PTPRG: variants seen among roughly 807,000 people sequenced by gnomAD.
The protein encoded by PTPRG is receptor-type tyrosine-protein phosphatase gamma.
A neutral mutation model predicts 165.3 loss-of-function variants in PTPRG; 102 were observed. That is an observed-to-expected ratio of 0.62 (90% CI 0.53 to 0.73). PTPRG has a LOEUF of 0.73. PTPRG is among the 30% of genes least tolerant of loss of function. The pLI is 0.00. For missense variants in PTPRG, 1,866 were observed against 1,861.4 expected, an observed-to-expected ratio of 1.00 and a Z score of -0.05; for synonymous variants, 675 against 669.5, an observed-to-expected ratio of 1.01 and a Z score of -0.13.
rs566656524 is a variant in PTPRG at position 61,699,602 on chromosome 3, TC to T, written c.86-49271del. ...AGTGAACATTTCAGTGTCTGTTCCT[TC>T]CCCCTGCTGTAGAAGGCATATTTAG... On this transcript the variant is annotated intron_variant, in intron 1 of 29. Coordinates refer to ENST00000474889, the MANE Select transcript of PTPRG (RefSeq NM_002841.4). Among the ~76,000 whole-genome samples the T allele has an allele frequency of 3.3e-4, 50 of 152,310 alleles. 1 individual carries two copies. The South Asian group carries it at 9.7e-3, about 30-fold the overall frequency.
rs141254165 is a variant in PTPRG at position 61,732,780 on chromosome 3, G to T, written c.86-16098G>T. On this transcript the variant is annotated intron_variant, in intron 1 of 29. Coordinates refer to ENST00000474889, the MANE Select transcript of PTPRG (RefSeq NM_002841.4). ...AATAAATCTTGCATTAGCTAGGGGC[G>T]ACAGTGTCGGACAGCACAATTTGGA... Among the ~76,000 whole-genome samples the T allele has an allele frequency of 6.0e-3, 910 of 152,186 alleles. 11 individuals are homozygous for T. The highest frequency in any genetic ancestry group is 0.021 in the African/African-American group (857 of 41,506).
intron 14 of PTPRG, among the ~76,000 whole-genome samples, chr3:62,234,943 C>CG (rs557108937): frequency 6.6e-6 from 1 of 150,874 alleles, no homozygotes; most frequent in African/African-American, 2.4e-5. Flanking sequence ...ACTTCCCCCC[C>CG]CCGAGATGGT....
At chr3:62,057,649 G>A (rs1700676645) in intron 4 of PTPRG, among the ~76,000 whole-genome samples, 1 of 152,190 alleles carries the variant, frequency 6.6e-6, no homozygotes, top group Admixed American at 6.5e-5. Context: ...GCCCTGGACA[G>A]GTTTGCAGCT....
At chr3:62,206,536 C>A (rs938028139) in intron 12 of PTPRG, among the ~76,000 whole-genome samples, 3 of 152,144 alleles carry the variant, frequency 2.0e-5, no homozygotes, top group African/African-American at 7.2e-5. Context: ...AGCCCAGGTG[C>A]CACACAATGA....
At chr3:61,821,160 C>G (rs1018423561) in intron 2 of PTPRG, among the ~76,000 whole-genome samples, 1 of 151,078 alleles carries the variant, frequency 6.6e-6, no homozygotes, top group African/African-American at 2.4e-5. Context: ...TCTCATTTGT[C>G]TGCTCTTCTT....
At chr3:61,702,851 A>G (rs1281023590) in intron 1 of PTPRG, among the ~76,000 whole-genome samples, 4 of 152,244 alleles carry the variant, frequency 2.6e-5, no homozygotes, top group Admixed American at 1.3e-4. Context: ...TTATACAACT[A>G]TACAACAGTT....
chr3:62,267,611 G>A, intron 18 of PTPRG, 74 bp from the exon 19 acceptor site: 13 of 1,548,828 alleles, frequency 8.4e-6, no homozygotes, highest in Non-Finnish European at 1.1e-5. Flanking sequence ...ATTCAATATG[G>A]AAGGCATTTG....
At position 61,931,270 on chromosome 3, in the gene PTPRG, G is replaced by A. The variant is rs80032882; in HGVS notation, c.191-58355G>A. ...TCTGGAAGGTTTTGCGATGTTGAGC[G>A]CATTTTCACCCTCAACAGTTCTGCT... On this transcript the variant is annotated intron_variant, in intron 2 of 29. Transcript: ENST00000474889. 1.1e-3 allele frequency among the ~76,000 whole-genome samples: 169 copies of A among 152,312 alleles called. 1 individual carries two copies. Among genetic ancestry groups the A allele is most frequent in the Non-Finnish European group, 2.0e-3 (134 of 68,024 alleles).
intron 2 of PTPRG, among the ~76,000 whole-genome samples, chr3:61,976,402 T>C (rs2040507752): frequency 6.6e-6 from 1 of 152,120 alleles, no homozygotes; most frequent in African/African-American, 2.4e-5. Flanking sequence ...GTCTGATGGG[T>C]GAAATTTAAA....
chr3:62,282,738 C>T lies in PTPRG; in HGVS notation c.3924C>T (p.Val1308=). 1.2e-6 allele frequency: 2 copies of T among 1,611,550 alleles called. No homozygotes were observed. Among genetic ancestry groups the T allele is most frequent in the Non-Finnish European group, 1.7e-6 (2 of 1,178,890 alleles). ...TGTATTGGTTACAGGATGACTATGTCTTAGAAGTTCGGCACTTTCAGTGTC... is the reference window on the plus strand; with the variant it reads ...TGTATTGGTTACAGGATGACTATGTTTTAGAAGTTCGGCACTTTCAGTGTC... The part of the protein sequence containing the change: ...FILEATQDDY[V]LEVRHFQCPK... Residue 1308 remains valine (V), a synonymous_variant, in exon 28 of 30, where the codon GTC becomes GTT. Coordinates refer to ENST00000474889, the MANE Select transcript of PTPRG (RefSeq NM_002841.4).
intron 5 of PTPRG, among the ~76,000 whole-genome samples, chr3:62,112,187 C>G (rs1702693218): frequency 6.6e-6 from 1 of 152,110 alleles, no homozygotes; most frequent in Non-Finnish European, 1.5e-5. Context: ...TGACTGCAAC[C>G]TCTGCCTCCC....
rs1350207542 is a variant in PTPRG at position 62,281,718 on chromosome 3, A to G, written c.3912+9A>G. 2 of 1,607,630 alleles carry G rather than the reference A, an allele frequency of 1.2e-6. No individual in the cohort carries two copies. The highest frequency in any genetic ancestry group is 1.7e-6 in the Non-Finnish European group (2 of 1,176,560). On this transcript the variant is annotated intron_variant, in intron 27 of 29. Transcript: ENST00000474889. ...TCCTTGAAGCTACACAGGTAACCTA[A>G]ACCTCAGTTCCTCACTAATAGCCAT...
chr3:61,638,618 T>TTTTTTTG lies in PTPRG; in HGVS notation c.85+76246_85+76247insTTTTTTG, dbSNP rs1553643112. Among the ~76,000 whole-genome samples the TTTTTTTG allele has an allele frequency of 3.9e-4, 45 of 116,308 alleles. 1 individual carries two copies. The highest frequency in any genetic ancestry group is 8.9e-4 in the South Asian group (3 of 3,364). The allele number at this position is 116,308 out of a possible 152,430, so 76.3% of individuals were successfully genotyped here. On this transcript the variant is annotated intron_variant, in intron 1 of 29. Transcript: ENST00000474889. The stretch of plus-strand genomic sequence containing the variant: ...TTTTTTTTTTTTTTTTTTTTTTTTT[T>TTTTTTTG]GGGGTAGAGGGATTTCCCTATGTTG...
intron 1 of PTPRG, among the ~76,000 whole-genome samples, chr3:61,740,764 C>T (rs532248808): frequency 2.0e-5 from 3 of 151,762 alleles, no homozygotes; most frequent in African/African-American, 4.8e-5. Context: ...CATCATGGCT[C>T]TATATTAGGT....
At chr3:61,894,826 A>T (rs981563641) in intron 2 of PTPRG, among the ~76,000 whole-genome samples, 4 of 152,090 alleles carry the variant, frequency 2.6e-5, no homozygotes, top group Non-Finnish European at 4.4e-5. Flanking sequence ...GCTCTAAGTT[A>T]TTAATCTTGC....
intron 2 of PTPRG, among the ~76,000 whole-genome samples, chr3:61,830,843 G>A (rs1262242230): frequency 6.6e-6 from 1 of 152,172 alleles, no homozygotes; most frequent in Admixed American, 6.5e-5. Flanking sequence ...CAAAGTGCTG[G>A]GATCACAGGC....
intron 2 of PTPRG, among the ~76,000 whole-genome samples, chr3:61,958,186 G>A (rs2040076225): frequency 6.6e-6 from 1 of 151,876 alleles, no homozygotes; most frequent in Admixed American, 6.6e-5. Context: ...GAGTGCAGCG[G>A]TGCCATCTTA....
intron 4 of PTPRG, among the ~76,000 whole-genome samples, chr3:62,062,584 T>C (rs906472326): frequency 6.6e-6 from 1 of 152,246 alleles, no homozygotes; most frequent in Non-Finnish European, 1.5e-5. Context: ...CAGAGACATC[T>C]ATTTTTTGAA....
At chr3:62,042,648 A>C (rs1187825368) in intron 4 of PTPRG, among the ~76,000 whole-genome samples, 1 of 151,474 alleles carries the variant, frequency 6.6e-6, no homozygotes, top group South Asian at 2.1e-4. Context: ...GTCTCCTCCA[A>C]CCTCCACTCC....
Sources: gnomAD v4.1 joint callset for allele counts (sites outside exome capture counted in the v4.1 genomes callset) on GRCh38, gnomAD v4.1.1 for gene constraint, MANE v1.5 for transcripts, NCBI Gene and HGNC (gene_info 2026-07-23, HGNC 2026-07-21) for gene names.